KCNH5: variants seen among roughly 807,000 people sequenced by gnomAD.
KCNH5 encodes voltage-gated delayed rectifier potassium channel KCNH5.
A neutral mutation model predicts 96.1 loss-of-function variants in KCNH5; 46 were observed. That is an observed-to-expected ratio of 0.48 (90% CI 0.38 to 0.61). The LOEUF (loss-of-function observed/expected upper bound fraction) is 0.61. Among genes scored for constraint, KCNH5 ranks in the 20% least tolerant of loss-of-function variants. The probability of loss-of-function intolerance (pLI) is 0.00; values close to 1 mark genes in which losing one functional copy is unlikely to be tolerated. For missense variants in KCNH5, 907 were observed against 1,225.8 expected (o/e 0.74, Z 3.88); for synonymous variants, 439 against 449.8 (o/e 0.98, Z 0.30).
At chr14:62,943,845 G>A (rs1455361183) in intron 7 of KCNH5, among the ~76,000 whole-genome samples, 1 of 152,146 alleles carries the variant, frequency 6.6e-6, no homozygotes, top group Non-Finnish European at 1.5e-5. Flanking sequence ...CATGACGGTA[G>A]ATGTATATAG....
At position 62,779,816 on chromosome 14, in the gene KCNH5, T is replaced by C. The variant is rs779052121; in HGVS notation, c.1931A>G (p.Glu644Gly). 34 of 1,613,894 alleles carry C rather than the reference T, an allele frequency of 2.1e-5. No individual in the cohort carries two copies. The East Asian group carries it at 7.4e-4, about 35-fold the overall frequency. Reference protein sequence around the residue: ...TYCDLHIIKREALLKVLDFYT... With the variant: ...TYCDLHIIKRGALLKVLDFYT... The stretch of plus-strand genomic sequence containing the variant: ...AAAGTCCAGGACTTTGAGCAAGGCT[T>C]CCCGCTTGATGATGTGTAGGTCACA... The change falls in exon 10 of 11, where the codon GAA becomes GGA. Residue 644 changes from glutamate to glycine, a missense_variant. Glu to Gly is a moderately conservative substitution (Grantham distance 98). Transcript: ENST00000322893.
At chr14:62,864,132 C>T (rs1279003769) in intron 7 of KCNH5, among the ~76,000 whole-genome samples, 1 of 152,144 alleles carries the variant, frequency 6.6e-6, no homozygotes, top group Admixed American at 6.5e-5. Context: ...AACGTTGTTA[C>T]TTTTGAGCAA....
At chr14:62,936,278 T>A (rs1889678408) in intron 7 of KCNH5, among the ~76,000 whole-genome samples, 1 of 152,160 alleles carries the variant, frequency 6.6e-6, no homozygotes, top group Non-Finnish European at 1.5e-5. Flanking sequence ...TCAAGTGTTT[T>A]ATTCACATAT....
At chr14:62,850,967 G>A (rs1887792191) in intron 7 of KCNH5, among the ~76,000 whole-genome samples, 1 of 152,102 alleles carries the variant, frequency 6.6e-6, no homozygotes. Flanking sequence ...TCACTTTGCA[G>A]TTTCATCAGC....
intron 2 of KCNH5, among the ~76,000 whole-genome samples, chr14:63,014,319 A>C (rs17750176): frequency 0.14 from 20,780 of 152,158 alleles, 1,914 homozygotes; most frequent in Non-Finnish European, 0.2. Context: ...ATTGCAAAAC[A>C]AGCCAATCCA....
intron 2 of KCNH5, among the ~76,000 whole-genome samples, chr14:63,014,313 C>T (rs1001178171): frequency 6.6e-6 from 1 of 152,012 alleles, no homozygotes; most frequent in Non-Finnish European, 1.5e-5. Flanking sequence ...CGGTTTATTG[C>T]AAAACAAGCC....
chr14:63,006,030 A>G (rs1046789416), intron 3 of KCNH5, among the ~76,000 whole-genome samples: 11 of 152,216 alleles, frequency 7.2e-5, no homozygotes, highest in Non-Finnish European at 1.5e-4. Context: ...TTCTTTAACC[A>G]TAAGAAGAAA....
In KCNH5 at chr14:62,983,364, C is replaced by A. The variant is rs949177285; in HGVS notation, c.550-2100G>T. Among the ~76,000 whole-genome samples, 3 of 144,844 alleles carry A rather than the reference C, an allele frequency of 2.1e-5. No homozygotes were observed. The Admixed American group carries it at 2.1e-4, about 10-fold the overall frequency. On this transcript the variant is annotated intron_variant, in intron 5 of 10. Transcript: ENST00000322893. ...CTGCACTCCAGCCTGGGTGACAGAG[C>A]GAGACTCAGTCTCAAAAAAAAAAAA...
chr14:62,898,078 A>G (rs370802662), intron 7 of KCNH5, among the ~76,000 whole-genome samples: 3 of 152,322 alleles, frequency 2.0e-5, no homozygotes, highest in Non-Finnish European at 2.9e-5. Context: ...CTGGGGACCA[A>G]TGAAAAATAA....
At chr14:62,865,639 G>A (rs1177481079) in intron 7 of KCNH5, among the ~76,000 whole-genome samples, 3 of 152,168 alleles carry the variant, frequency 2.0e-5, no homozygotes, top group African/African-American at 7.2e-5. Context: ...TGCATATTCA[G>A]TCTGTACTCT....
chr14:62,871,704 A>G (rs1042843085), intron 7 of KCNH5, among the ~76,000 whole-genome samples: 10 of 152,156 alleles, frequency 6.6e-5, no homozygotes, highest in African/African-American at 2.4e-4. Flanking sequence ...GATATGTGAG[A>G]AGAGGGGGAC....
chr14:62,963,171 T>C (rs1283254876), intron 6 of KCNH5, among the ~76,000 whole-genome samples: 2 of 152,154 alleles, frequency 1.3e-5, no homozygotes, highest in Non-Finnish European at 2.9e-5. Flanking sequence ...ATAACTTTTA[T>C]TACAGTACAT....
chr14:62,803,866 C>A lies in KCNH5; in HGVS notation c.1570-1285G>T, dbSNP rs565860155. On this transcript the variant is annotated intron_variant, in intron 8 of 10. Transcript: ENST00000322893. ...ATTCTTTATAGCCAGAAATGATTTTCTTTGATCGGATTTCAATCCCTCAAA... is the reference window on the plus strand; with the variant it reads ...ATTCTTTATAGCCAGAAATGATTTTATTTGATCGGATTTCAATCCCTCAAA... 2.0e-5 allele frequency among the ~76,000 whole-genome samples: 3 copies of A among 152,238 alleles called. No homozygotes were observed. In the South Asian group the frequency reaches 6.2e-4, roughly 32 times the overall value.
intron 7 of KCNH5, among the ~76,000 whole-genome samples, chr14:62,885,118 T>C (rs1482344567): frequency 5.9e-5 from 9 of 152,238 alleles, no homozygotes; most frequent in Middle Eastern, 3.2e-3. Context: ...ATTTCTATGC[T>C]TGATCTTAAT....
intron 7 of KCNH5, among the ~76,000 whole-genome samples, chr14:62,855,965 C>T (rs953118937): frequency 6.6e-6 from 1 of 152,234 alleles, no homozygotes; most frequent in African/African-American, 2.4e-5. Context: ...CAGTAGTATC[C>T]ACTCCTCCCT....
At chr14:62,867,189 C>T (rs1448264842) in intron 7 of KCNH5, among the ~76,000 whole-genome samples, 1 of 152,156 alleles carries the variant, frequency 6.6e-6, no homozygotes, top group Admixed American at 6.5e-5. Context: ...CAACCCACAG[C>T]ATGGGAGGCT....
At chr14:62,741,900 T>C (rs144489608) in intron 10 of KCNH5, among the ~76,000 whole-genome samples, 1 of 152,272 alleles carries the variant, frequency 6.6e-6, no homozygotes, top group African/African-American at 2.4e-5. Context: ...TTTCTGTATC[T>C]AAAGACAATG....
intron 7 of KCNH5, among the ~76,000 whole-genome samples, chr14:62,910,145 T>TACACAC (rs111386925): frequency 5.0e-4 from 72 of 144,046 alleles, no homozygotes; most frequent in African/African-American, 1.3e-3. Flanking sequence ...ACTAACATGT[T>TACACAC]ACACACACAC....
At chr14:62,812,026 A>C (rs1177808380) in intron 8 of KCNH5, among the ~76,000 whole-genome samples, 4 of 152,184 alleles carry the variant, frequency 2.6e-5, no homozygotes, top group African/African-American at 9.6e-5. Flanking sequence ...AATGTGTCTC[A>C]TAAAGGTTAT....
Sources: gnomAD v4.1 joint callset for allele counts (sites outside exome capture counted in the v4.1 genomes callset) on GRCh38, gnomAD v4.1.1 for gene constraint, MANE v1.5 for transcripts, NCBI Gene and HGNC (gene_info 2026-07-23, HGNC 2026-07-21) for gene names.